Variants in TMEM114 observed in about 807,000 individuals in gnomAD.
TMEM114 encodes the protein transmembrane protein 114, also known as claudin-26.
Under a neutral mutation model 6.2 loss-of-function variants are expected in TMEM114, and 6 were observed. The ratio of observed to expected loss-of-function variants is 0.97; its 90% confidence interval spans 0.53 to 1.91. The LOEUF (loss-of-function observed/expected upper bound fraction) is 1.91, where lower values mean the gene tolerates loss of function less well. Among genes scored for constraint, TMEM114 ranks in the 40% most tolerant of loss-of-function variants. The pLI, the probability that TMEM114 is intolerant of heterozygous loss-of-function variation, is 0.01. For synonymous variants in TMEM114, 104 were observed against 73.0 expected, an observed-to-expected ratio of 1.42 and a Z score of -2.16; for missense variants, 218 against 158.3, an observed-to-expected ratio of 1.38 and a Z score of -2.02.
chr16:8,556,803 C>T (rs541166983), intron 2 of TMEM114, among the ~76,000 whole-genome samples: 3 of 152,206 alleles, frequency 2.0e-5, no homozygotes, highest in Admixed American at 1.3e-4. Flanking sequence ...GCGCCTGACC[C>T]GTGTGCACTT....
At chr16:8,567,188 C>T (rs989847686), downstream of TMEM114, among the ~76,000 whole-genome samples, 6 of 152,056 alleles carry the variant, frequency 3.9e-5, no homozygotes, top group African/African-American at 1.2e-4. Context: ...GGATTACAGG[C>T]ATGAGCCATG....
At chr16:8,557,397 A>G (rs1383173251) in intron 2 of TMEM114, among the ~76,000 whole-genome samples, 1 of 152,138 alleles carries the variant, frequency 6.6e-6, no homozygotes, top group Non-Finnish European at 1.5e-5. Context: ...AGGCCCCGAG[A>G]TGATGTAAAG....
chr16:8,552,618 C>T (rs1480907473), intron 2 of TMEM114, among the ~76,000 whole-genome samples: 3 of 151,598 alleles, frequency 2.0e-5, no homozygotes, highest in Non-Finnish European at 2.9e-5. Flanking sequence ...GATGTCACCA[C>T]TGGGGAAAGA....
intron 2 of TMEM114, among the ~76,000 whole-genome samples, chr16:8,562,819 A>T (rs1567202508): frequency 1.3e-5 from 2 of 150,988 alleles, no homozygotes; most frequent in Non-Finnish European, 3.0e-5. Flanking sequence ...TAAATGAGTG[A>T]GGGAGGGAGG....
Position 8,589,911 on chromosome 16 carries a change from C to T in TMEM114, c.-73G>A. 1 of 392,152 alleles carries T rather than the reference C, an allele frequency of 2.6e-6. No homozygotes were observed. The highest frequency in any genetic ancestry group is 4.5e-6 in the Non-Finnish European group (1 of 222,238). The allele number at this position is 392,152 out of a possible 1,614,324, so 24.3% of individuals were successfully genotyped here. The stretch of plus-strand genomic sequence containing the variant: ...ACCCCTCTGCTCCTGCCCCCGTCCC[C>T]AGCCGGCCACCGCGGGCTCCCAGCT... On this transcript the variant is annotated 5_prime_UTR_variant, in exon 1 of 4. Coordinates refer to ENST00000620492, the MANE Select transcript of TMEM114 (RefSeq NM_001146336.2).
intron 2 of TMEM114, among the ~76,000 whole-genome samples, chr16:8,549,492 C>T (rs1488001115): frequency 7.4e-6 from 1 of 135,454 alleles, no homozygotes; most frequent in African/African-American, 3.0e-5. Flanking sequence ...AAGAGCAAAA[C>T]TCCGTCTCGA....
chr16:8,533,280 C>T (rs1451661568), downstream of TMEM114, among the ~76,000 whole-genome samples: 5 of 152,316 alleles, frequency 3.3e-5, no homozygotes, highest in Admixed American at 1.3e-4. Context: ...GATAGAACAT[C>T]TGAGTTGAGA....
chr16:8,534,543 C>G (rs571248907), downstream of TMEM114, among the ~76,000 whole-genome samples: 1 of 152,274 alleles, frequency 6.6e-6, no homozygotes, highest in East Asian at 1.9e-4. Flanking sequence ...GTTCCCATCA[C>G]TACTTTTCCT....
At chr16:8,564,981 G>A (rs937665888), downstream of TMEM114, among the ~76,000 whole-genome samples, 2 of 151,992 alleles carry the variant, frequency 1.3e-5, no homozygotes, top group Non-Finnish European at 2.9e-5. Context: ...GAGTGAAAGA[G>A]TGAGTGAGTG....
chr16:8,579,625 A>G (rs1187571354), intron 2 of TMEM114, among the ~76,000 whole-genome samples: 1 of 152,160 alleles, frequency 6.6e-6, no homozygotes, highest in Non-Finnish European at 1.5e-5. Flanking sequence ...TCATCGCTCA[A>G]AAGCCTCGTT....
At chr16:8,545,122 T>C (rs1456551044) in intron 2 of TMEM114, among the ~76,000 whole-genome samples, 2 of 152,184 alleles carry the variant, frequency 1.3e-5, no homozygotes, top group Non-Finnish European at 2.9e-5. Context: ...TGTTCTCTTC[T>C]TTCTCTTATG....
At chr16:8,584,067 G>C (rs1260003306) in intron 2 of TMEM114, among the ~76,000 whole-genome samples, 1 of 152,250 alleles carries the variant, frequency 6.6e-6, no homozygotes, top group African/African-American at 2.4e-5. Flanking sequence ...GAATTCATGA[G>C]AAACAGAACG....
intron 2 of TMEM114, among the ~76,000 whole-genome samples, chr16:8,546,774 C>T (rs941991170): frequency 3.3e-5 from 5 of 152,348 alleles, no homozygotes; most frequent in Admixed American, 6.5e-5. Flanking sequence ...AATCAGAGCA[C>T]ACCAAGTCTT....
chr16:8,536,674 T>C (rs1900370029), downstream of TMEM114, among the ~76,000 whole-genome samples: 1 of 152,116 alleles, frequency 6.6e-6, no homozygotes, highest in Non-Finnish European at 1.5e-5. Context: ...TTGTTTTTGT[T>C]TGTTTGTTTG....
At chr16:8,550,254 T>G (rs376226665) in intron 2 of TMEM114, among the ~76,000 whole-genome samples, 1 of 152,226 alleles carries the variant, frequency 6.6e-6, no homozygotes, top group African/African-American at 2.4e-5. Context: ...GATAATCTCT[T>G]CTGGCAATAG....
intron 2 of TMEM114, among the ~76,000 whole-genome samples, chr16:8,547,992 CGT>C (rs985209254): frequency 2.0e-5 from 3 of 152,056 alleles, no homozygotes; most frequent in African/African-American, 7.3e-5. Flanking sequence ...GTGATAGAAA[CGT>C]CAGGAACAAG....
intron 2 of TMEM114, among the ~76,000 whole-genome samples, chr16:8,543,994 C>T (rs1016487505): frequency 1.3e-5 from 2 of 152,160 alleles, no homozygotes; most frequent in African/African-American, 4.8e-5. Context: ...CAATATTTTC[C>T]TTTTTGCCTA....
the TMEM114 span, chr16:8,532,071 C>G: frequency 2.6e-5 from 4 of 152,190 alleles, no homozygotes; most frequent in African/African-American, 9.7e-5. Flanking sequence ...GAATGCTTAC[C>G]TGGCTCAGGT....
intron 2 of TMEM114, chr16:8,537,843 G>A (rs1392841410): frequency 6.6e-6 from 1 of 152,056 alleles, no homozygotes; most frequent in Non-Finnish European, 1.5e-5. Context: ...AAAAGAACAA[G>A]AAAGCTTATT....
Sources: allele counts gnomAD v4.1 joint callset (sites outside exome capture counted in the v4.1 genomes callset), GRCh38; gene constraint gnomAD v4.1.1; transcripts MANE v1.5; gene names NCBI Gene and HGNC (gene_info 2026-07-23, HGNC 2026-07-21).